Variants in TPBG observed in about 807,000 individuals in gnomAD.
TPBG encodes 5T4 oncofetal antigen.
TPBG carries 13 observed loss-of-function variants against 19.3 expected under a neutral mutation model. The ratio of observed to expected loss-of-function variants is 0.67; its 90% CI spans 0.44 to 1.07. TPBG has a LOEUF of 1.07. TPBG is among the 50% of genes least tolerant of loss of function. The probability of loss-of-function intolerance (pLI) is 0.00; values close to 1 mark genes in which losing one functional copy is unlikely to be tolerated. For missense variants in TPBG, 642 were observed against 559.6 expected (o/e 1.15, Z -1.49); for synonymous variants, 338 against 259.8 (o/e 1.30, Z -2.89).
rs200883410 is a variant in TPBG, at chr6:82,365,409, A to T, written c.448A>T (p.Ser150Cys). 6.2e-7 allele frequency: 1 copy of T among 1,606,202 alleles called. No individual in the cohort carries two copies. Among genetic ancestry groups the T allele is most frequent in the Non-Finnish European group, 8.5e-7 (1 of 1,177,350 alleles). The change falls in exon 2 of 2, where the codon AGC (serine) becomes TGC (cysteine). Residue 150 changes from serine to cysteine, a missense_variant. Ser to Cys is a moderately radical substitution (Grantham distance 112). Coordinates refer to ENST00000369750, the MANE Select transcript of TPBG (RefSeq NM_001376922.1). ...GCCCAGCCTGCGCCAGCTCGACCTC[A>T]GCCACAACCCACTGGCCGACCTCAG... ...HLPSLRQLDL[S>C]HNPLADLSPF...
Position 82,365,068 on chromosome 6 carries a change from C to A in TPBG, c.107C>A (p.Ser36Tyr). 1 of 1,555,926 alleles carries A rather than the reference C, an allele frequency of 6.4e-7. No individual in the cohort carries two copies. The highest frequency in any genetic ancestry group is 8.7e-7 in the Non-Finnish European group (1 of 1,149,946). Residue 36 changes from serine to tyrosine, a missense_variant, in exon 2 of 2, where the codon TCC (serine) becomes TAC (tyrosine). Ser to Tyr is a moderately radical substitution (Grantham distance 144, BLOSUM62 -2). Transcript: ENST00000369750. ...LGWVSSSSPT[S>Y]SASSFSSSAP... ...TGGGTCTCCTCGTCTTCTCCCACCT[C>A]CTCGGCATCCTCCTTCTCCTCCTCG...
rs1425768579 is a variant in TPBG, at chr6:82,366,118, A to C, written c.1157A>C (p.His386Pro). 1 of 1,614,128 alleles carries C rather than the reference A, an allele frequency of 6.2e-7. No individual in the cohort carries two copies. The highest frequency in any genetic ancestry group is 1.7e-5 in the Admixed American group (1 of 60,014). The change falls in exon 2 of 2, where the codon CAT becomes CCT. Residue 386 changes from histidine (H) to proline (P), a missense_variant. His to Pro is a moderately conservative substitution (Grantham distance 77, BLOSUM62 -2). Transcript: ENST00000369750. Reference protein sequence around the residue: ...LNRKGIKKWMHNIRDACRDHM... With the variant: ...LNRKGIKKWMPNIRDACRDHM... ...CGCAAGGGGATAAAAAAGTGGATGC[A>C]TAACATCAGAGATGCCTGCAGGGAT...
rs1194942985 is a variant in TPBG at position 82,365,926 on chromosome 6, C to T, written c.965C>T (p.Thr322Ile). 3.7e-6 allele frequency: 6 copies of T among 1,614,048 alleles called. No homozygotes were observed. The highest frequency in any genetic ancestry group is 4.5e-5 in the East Asian group (2 of 44,886). The change falls in exon 2 of 2, where the codon ACC becomes ATC. Residue 322 changes from threonine (T) to isoleucine (I), a missense_variant. By Grantham distance (89) the Thr-to-Ile change is moderately conservative. Coordinates refer to ENST00000369750, the MANE Select transcript of TPBG (RefSeq NM_001376922.1). ...GTAGTGCAGGGCAAAGACCGGCTCA[C>T]CTGTGCATATCCGGAAAAAATGAGG... ...TEVVQGKDRLTCAYPEKMRNR... is the reference protein window; with the variant it reads ...TEVVQGKDRLICAYPEKMRNR...
Position 82,365,508 on chromosome 6 carries a change from A to G in TPBG, c.547A>G (p.Ile183Val). ...SPLVELILNH[I>V]VPPEDERQNR... ...CCTTGTGGAACTGATCCTGAACCAC[A>G]TCGTGCCCCCTGAAGATGAGCGGCA... The change falls in exon 2 of 2, where the codon ATC becomes GTC. Residue 183 changes from isoleucine (I) to valine (V), a missense_variant. By Grantham distance (29) the Ile-to-Val change is conservative (BLOSUM62 3). Coordinates refer to ENST00000369750, the MANE Select transcript of TPBG (RefSeq NM_001376922.1). 9 of 1,585,730 alleles carry G rather than the reference A, an allele frequency of 5.7e-6. No individual in the cohort carries two copies. The highest frequency in any genetic ancestry group is 7.7e-6 in the Non-Finnish European group (9 of 1,169,114).
chr6:82,366,363 C>G lies in TPBG; in HGVS notation c.*139C>G. On this transcript the variant is annotated 3_prime_UTR_variant, in exon 2 of 2. Transcript: ENST00000369750. ...TAAAAGCAGTGAAGGGGATTTGCTTCCTTGTTATGTAAAGTTTCTCGGTGT... is the reference window on the plus strand; with the variant it reads ...TAAAAGCAGTGAAGGGGATTTGCTTGCTTGTTATGTAAAGTTTCTCGGTGT... 2.0e-6 allele frequency: 2 copies of G among 988,254 alleles called. No individual in the cohort carries two copies. The highest frequency in any genetic ancestry group is 2.9e-6 in the Non-Finnish European group (2 of 691,926). 61.2% of individuals were successfully genotyped at this position (988,254 alleles called of 1,614,324 possible).
In TPBG at chr6:82,365,437, C is replaced by T; in HGVS notation, c.476C>T (p.Pro159Leu). ...LSHNPLADLS[P>L]FAFSGSNASV... The stretch of plus-strand genomic sequence containing the variant: ...CACAACCCACTGGCCGACCTCAGTC[C>T]CTTCGCTTTCTCGGGCAGCAATGCC... Residue 159 changes from proline to leucine, a missense_variant, in exon 2 of 2, where the codon CCC becomes CTC. Coordinates refer to ENST00000369750, the MANE Select transcript of TPBG (RefSeq NM_001376922.1). 1 of 1,611,148 alleles carries T rather than the reference C, an allele frequency of 6.2e-7. No homozygotes were observed. The highest frequency in any genetic ancestry group is 1.1e-5 in the South Asian group (1 of 90,764).
In TPBG at chr6:82,365,999, G is replaced by T. The variant is rs150579994; in HGVS notation, c.1038G>T (p.Pro346=). ...ACAGTGCTGACCTGGACTGTGACCC[G>T]ATTCTTCCCCCATCCCTGCAAACCT... The part of the protein sequence containing the change: ...ELNSADLDCD[P]ILPPSLQTSY... The change falls in exon 2 of 2, where the codon CCG becomes CCT. Residue 346 remains proline (P), a synonymous_variant. Transcript: ENST00000369750. 66 of 1,613,530 alleles carry T rather than the reference G, an allele frequency of 4.1e-5. No homozygotes were observed. The highest frequency in any genetic ancestry group is 1.6e-4 in the Middle Eastern group (1 of 6,080).
In TPBG at chr6:82,365,500, T is replaced by C; in HGVS notation, c.539T>C (p.Leu180Pro). 1 of 1,592,920 alleles carries C rather than the reference T, an allele frequency of 6.3e-7. No individual in the cohort carries two copies. The highest frequency in any genetic ancestry group is 8.5e-7 in the Non-Finnish European group (1 of 1,172,042). ...CCCAGTCCCCTTGTGGAACTGATCC[T>C]GAACCACATCGTGCCCCCTGAAGAT... ...SAPSPLVELI[L>P]NHIVPPEDER... The change falls in exon 2 of 2, where the codon CTG (leucine) becomes CCG (proline). Residue 180 changes from leucine (L) to proline (P), a missense_variant. By Grantham distance (98) the Leu-to-Pro change is moderately conservative. Coordinates refer to ENST00000369750, the MANE Select transcript of TPBG (RefSeq NM_001376922.1).
rs932636498 is a variant in TPBG at position 82,365,837 on chromosome 6, C to T, written c.876C>T (p.Asp292=). The T allele has an allele frequency of 6.2e-7, 1 of 1,614,164 alleles. No individual in the cohort carries two copies. The highest frequency in any genetic ancestry group is 8.5e-7 in the Non-Finnish European group (1 of 1,180,036). The change falls in exon 2 of 2, where the codon GAC becomes GAT. Residue 292 remains aspartate (D), a synonymous_variant. Coordinates refer to ENST00000369750, the MANE Select transcript of TPBG (RefSeq NM_001376922.1). ...QGLPHIRVFL[D]NNPWVCDCHM... ...TACCCCACATTAGGGTTTTCCTGGA[C>T]AACAATCCCTGGGTCTGCGACTGCC...
At position 82,365,105 on chromosome 6, in the gene TPBG, G is replaced by C. The variant is rs769841559; in HGVS notation, c.144G>C (p.Leu48=). The C allele has an allele frequency of 1.2e-5, 19 of 1,585,754 alleles. No individual in the cohort carries two copies. The highest frequency in any genetic ancestry group is 1.6e-5 in the Non-Finnish European group (19 of 1,166,342). ...ASSFSSSAPF[L]ASAVSAQPPL... The stretch of plus-strand genomic sequence containing the variant: ...CCTTCTCCTCCTCGGCGCCGTTCCT[G>C]GCTTCCGCCGTGTCCGCCCAGCCCC... Residue 48 remains leucine, a synonymous_variant, in exon 2 of 2, where the codon CTG becomes CTC. Transcript: ENST00000369750.
At position 82,367,055 on chromosome 6, in the gene TPBG, T is replaced by C. The variant is rs1325207389; in HGVS notation, c.*831T>C. ...AAACTGTAGCAATGTCTAATATAAA[T>C]AGACTTGGGAGATCGTTTTGAAATG... On this transcript the variant is annotated 3_prime_UTR_variant, in exon 2 of 2. Transcript: ENST00000369750. The C allele has an allele frequency of 6.0e-6, 1 of 167,198 alleles. No individual in the cohort carries two copies. The allele number at this position is 167,198 out of a possible 1,614,324, so 10.4% of individuals were successfully genotyped here. A position where few individuals can be genotyped will look rare whatever the true frequency, so the allele number is the denominator to read the frequency against.
chr6:82,365,455 G>C lies in TPBG; in HGVS notation c.494G>C (p.Ser165Thr). The change falls in exon 2 of 2, where the codon AGC becomes ACC. Residue 165 changes from serine to threonine, a missense_variant. By Grantham distance (58) the Ser-to-Thr change is moderately conservative. Transcript: ENST00000369750. Reference sequence around the variant, plus strand: ...CTCAGTCCCTTCGCTTTCTCGGGCAGCAATGCCAGCGTCTCGGCCCCCAGT... The same window carrying C: ...CTCAGTCCCTTCGCTTTCTCGGGCACCAATGCCAGCGTCTCGGCCCCCAGT... The part of the protein sequence containing the change: ...ADLSPFAFSG[S>T]NASVSAPSPL... 1.9e-6 allele frequency: 3 copies of C among 1,610,818 alleles called. No homozygotes were observed. The highest frequency in any genetic ancestry group is 2.5e-6 in the Non-Finnish European group (3 of 1,178,790).
Position 82,364,807 on chromosome 6 carries a change from G to C in TPBG, c.-155G>C. 1.6e-6 allele frequency: 1 copy of C among 614,692 alleles called. No homozygotes were observed. The highest frequency in any genetic ancestry group is 2.5e-6 in the Non-Finnish European group (1 of 394,920). The allele number at this position is 614,692 out of a possible 1,614,324, so 38.1% of individuals were successfully genotyped here. A position where few individuals can be genotyped will look rare whatever the true frequency, so the allele number is the denominator to read the frequency against. ...GAAGCGCCCGGTGGCGAGGGGGTTA[G>C]CCAAGTTCCGGCTGCGGCGCCACTC... On this transcript the variant is annotated 5_prime_UTR_variant, in exon 2 of 2. Transcript: ENST00000369750.
At chr6:82,364,292 G>C (rs1025126268) in intron 1 of TPBG, 8 of 152,402 alleles carry the variant, frequency 5.2e-5, no homozygotes, top group African/African-American at 1.9e-4. Context: ...GAACGGGAGA[G>C]GGAGAAGTTT....
chr6:82,366,508 G>GCTGT lies in TPBG; in HGVS notation c.*291_*294dup. 1 of 310,416 alleles carries GCTGT rather than the reference G, an allele frequency of 3.2e-6. No homozygotes were observed. The highest frequency in any genetic ancestry group is 5.9e-5 in the East Asian group (1 of 16,928). The allele number at this position is 310,416 out of a possible 1,614,324, so 19.2% of individuals were successfully genotyped here. ...GTTTCAGCATGAACATGGGCTTCTT[G>GCTGT]CTGTCTGTCTCTCTCTCAGTACAGT... On this transcript the variant is annotated 3_prime_UTR_variant, in exon 2 of 2. Coordinates refer to ENST00000369750, the MANE Select transcript of TPBG (RefSeq NM_001376922.1).
chr6:82,365,127 C>T lies in TPBG; in HGVS notation c.166C>T (p.Pro56Ser), dbSNP rs1460268758. The change falls in exon 2 of 2, where the codon CCC becomes TCC. Residue 56 changes from proline to serine, a missense_variant. Pro to Ser is a moderately conservative substitution (Grantham distance 74). Coordinates refer to ENST00000369750, the MANE Select transcript of TPBG (RefSeq NM_001376922.1). ...PFLASAVSAQ[P>S]PLPDQCPALC... ...CCTGGCTTCCGCCGTGTCCGCCCAG[C>T]CCCCGCTGCCGGACCAGTGCCCCGC... is the stretch of plus-strand genomic sequence containing the variant. 8.1e-6 allele frequency: 13 copies of T among 1,598,824 alleles called. No homozygotes were observed. The highest frequency in any genetic ancestry group is 1.1e-5 in the South Asian group (1 of 89,114).
At position 82,366,014 on chromosome 6, in the gene TPBG, C is replaced by T. The variant is rs1382401260; in HGVS notation, c.1053C>T (p.Ser351=). The part of the protein sequence containing the change: ...DLDCDPILPP[S]LQTSYVFLGI... ...ACTGTGACCCGATTCTTCCCCCATC[C>T]CTGCAAACCTCTTATGTCTTCCTGG... The change falls in exon 2 of 2, where the codon TCC becomes TCT. Residue 351 remains serine, a synonymous_variant. Transcript: ENST00000369750. 6.2e-7 allele frequency: 1 copy of T among 1,613,776 alleles called. No individual in the cohort carries two copies. Among genetic ancestry groups the T allele is most frequent in the Non-Finnish European group, 8.5e-7 (1 of 1,179,784 alleles).
At position 82,365,220 on chromosome 6, in the gene TPBG, A is replaced by G. The variant is rs144253219; in HGVS notation, c.259A>G (p.Thr87Ala). The change falls in exon 2 of 2, where the codon ACG (threonine) becomes GCG (alanine). Residue 87 changes from threonine (T) to alanine (A), a missense_variant. By Grantham distance (58) the Thr-to-Ala change is moderately conservative. Transcript: ENST00000369750. ...CVNRNLTEVPTDLPAYVRNLF... is the reference protein window; with the variant it reads ...CVNRNLTEVPADLPAYVRNLF... The stretch of plus-strand genomic sequence containing the variant: ...TAACCGCAATCTGACCGAGGTGCCC[A>G]CGGACCTGCCCGCCTACGTGCGCAA... 0.011 allele frequency: 18,017 copies of G among 1,594,632 alleles called. 175 individuals are homozygous for G. The highest frequency in any genetic ancestry group is 0.056 in the Middle Eastern group (337 of 6,012).
Position 82,365,544 on chromosome 6 carries a change from T to C in TPBG, c.583T>C (p.Phe195Leu). The change falls in exon 2 of 2, where the codon TTC becomes CTC. Residue 195 changes from phenylalanine to leucine, a missense_variant. Phe to Leu is a conservative substitution (Grantham distance 22, BLOSUM62 0). Transcript: ENST00000369750. ...TGAAGATGAGCGGCAGAACCGGAGC[T>C]TCGAGGGCATGGTGGTGGCGGCCCT... ...PPEDERQNRSFEGMVVAALLA... is the reference protein window; with the variant it reads ...PPEDERQNRSLEGMVVAALLA... 1 of 1,575,260 alleles carries C rather than the reference T, an allele frequency of 6.3e-7. No individual in the cohort carries two copies. Among genetic ancestry groups the C allele is most frequent in the Non-Finnish European group, 8.6e-7 (1 of 1,162,274 alleles).
Sources: allele counts gnomAD v4.1 joint callset, GRCh38; gene constraint gnomAD v4.1.1; transcripts MANE v1.5; gene names NCBI Gene and HGNC (gene_info 2026-07-23, HGNC 2026-07-21).